Variants in GNB5 observed in about 807,000 individuals in gnomAD.
GNB5 encodes G protein subunit beta 5.
GNB5 carries 37 observed loss-of-function variants against 55.3 expected under a neutral mutation model. The ratio of observed to expected loss-of-function variants is 0.67; its 90% confidence interval spans 0.51 to 0.88. The LOEUF (loss-of-function observed/expected upper bound fraction) is 0.88, where lower values mean the gene tolerates loss of function less well. GNB5 is among the 40% of genes least tolerant of loss of function. The pLI, the probability that GNB5 is intolerant of heterozygous loss-of-function variation, is 0.00. For missense variants in GNB5, 476 were observed against 515.3 expected (o/e 0.92, Z 0.74); for synonymous variants, 219 against 198.5 (o/e 1.10, Z -0.87).
chr15:52,186,646 G>A (rs16964751), intron 1 of GNB5, among the ~76,000 whole-genome samples: 7,584 of 152,264 alleles, frequency 0.05, 244 homozygotes, highest in African/African-American at 0.087. Flanking sequence ...AGTGAGCCCC[G>A]TCAAGATTCA....
intron 3 of GNB5, among the ~76,000 whole-genome samples, chr15:52,166,503 T>C (rs2034454944): frequency 6.6e-6 from 1 of 152,088 alleles, no homozygotes; most frequent in African/African-American, 2.4e-5. Flanking sequence ...CACAGCGAAA[T>C]CAAATTAGAA....
chr15:52,136,574 G>A (rs1031065151), intron 7 of GNB5, among the ~76,000 whole-genome samples: 2 of 152,192 alleles, frequency 1.3e-5, no homozygotes, highest in African/African-American at 4.8e-5. Flanking sequence ...AGGGGTCTAG[G>A]CAGCATCTTG....
At chr15:52,139,736 C>T (rs2033807883) in intron 7 of GNB5, 1 of 1,127,348 alleles carries the variant, frequency 8.9e-7, no homozygotes, top group South Asian at 1.6e-5. Flanking sequence ...CAGGCCGCGT[C>T]CCCGCCGAGG....
At chr15:52,136,172 A>ACACACACACACACACACACCCC in intron 7 of GNB5, among the ~76,000 whole-genome samples, 1 of 100,118 alleles carries the variant, frequency 1.0e-5, no homozygotes, top group African/African-American at 4.4e-5. Flanking sequence ...ACACACACAC[A>ACACACACACACACACACACCCC]CCCTACCTGC....
rs1418958120 is a variant in GNB5 at position 52,135,552 on chromosome 15, T to G, written c.771+61A>C. On this transcript the variant is annotated intron_variant, in intron 8 of 12. Transcript: ENST00000261837. ...GCTAATCCCATGAATGGACAAGAAC[T>G]GCCACCATAAGCCTCCTTAGTGGAC... The G allele has an allele frequency of 7.7e-5, 111 of 1,436,662 alleles. 1 individual carries two copies. The highest frequency in any genetic ancestry group is 9.9e-5 in the Non-Finnish European group (102 of 1,027,824). 89.0% of individuals were successfully genotyped at this position (1,436,662 alleles called of 1,614,324 possible). A position where few individuals can be genotyped will look rare whatever the true frequency, so the allele number is the denominator to read the frequency against.
At chr15:52,174,809 C>A (rs1329825487) in intron 3 of GNB5, among the ~76,000 whole-genome samples, 1 of 152,072 alleles carries the variant, frequency 6.6e-6, no homozygotes, top group Admixed American at 6.5e-5. Context: ...TGGCTAGGCA[C>A]GGTGGCACAC....
In GNB5 at chr15:52,154,057, C is replaced by A; in HGVS notation, c.258G>T (p.Arg86=). The part of the protein sequence containing the change: ...HDVELHQVAE[R]VEALGQFVMK... ...TGACAAACTGCCCCAGGGCCTCCAC[C>A]CGCTCCGCCACCTGGTGCACTGGAA... Residue 86 remains arginine (R), a synonymous_variant, in exon 4 of 13, where the codon CGG becomes CGT. Coordinates refer to ENST00000261837, the MANE Select transcript of GNB5 (RefSeq NM_016194.4). 6.2e-7 allele frequency: 1 copy of A among 1,614,110 alleles called. No individual in the cohort carries two copies. Among genetic ancestry groups the A allele is most frequent in the African/African-American group, 1.3e-5 (1 of 75,060 alleles).
intron 3 of GNB5, among the ~76,000 whole-genome samples, chr15:52,155,939 C>A (rs1289884316): frequency 1.3e-5 from 2 of 152,114 alleles, no homozygotes; most frequent in Admixed American, 6.6e-5. Context: ...ACATGTTACC[C>A]CTCAAACCTC....
At position 52,183,738 on chromosome 15, in the gene GNB5, C is replaced by T. The variant is rs1411204433; in HGVS notation, c.126+813G>A. Among the ~76,000 whole-genome samples the T allele has an allele frequency of 2.0e-5, 3 of 151,972 alleles. No homozygotes were observed. In the East Asian group the frequency reaches 5.8e-4, roughly 29 times the overall value. Reference sequence around the variant, plus strand: ...GGGCTTTTCAGGAGGAGTGCTTTACCACTTTTCACCAAGTGGGGGCTCTGC... The same window carrying T: ...GGGCTTTTCAGGAGGAGTGCTTTACTACTTTTCACCAAGTGGGGGCTCTGC... On this transcript the variant is annotated intron_variant, in intron 2 of 12. Coordinates refer to ENST00000261837, the MANE Select transcript of GNB5 (RefSeq NM_016194.4).
At position 52,135,627 on chromosome 15, in the gene GNB5, T is replaced by C; in HGVS notation, c.757A>G (p.Thr253Ala). Reference protein sequence around the residue: ...LDLAPSETGNTFVSGGCDKKA... With the variant: ...LDLAPSETGNAFVSGGCDKKA... ...TGGGTCTTTACCCCAGACACGAAGG[T>C]GTTTCCAGTTTCTGAGGGGGCCAGG... Residue 253 changes from threonine (T) to alanine (A), a missense_variant, in exon 8 of 13, where the codon ACC becomes GCC. Coordinates refer to ENST00000261837, the MANE Select transcript of GNB5 (RefSeq NM_016194.4). The C allele has an allele frequency of 6.2e-7, 1 of 1,613,388 alleles. No homozygotes were observed. Among genetic ancestry groups the C allele is most frequent in the Non-Finnish European group, 8.5e-7 (1 of 1,179,762 alleles).
At chr15:52,179,735 G>C (rs1335571638) in intron 3 of GNB5, 33 bp downstream of exon 3, 1 of 1,375,656 alleles carries the variant, frequency 7.3e-7, no homozygotes, top group Non-Finnish European at 9.6e-7. Context: ...AGCCGGTCCG[G>C]CTTGCCCCGC....
chr15:52,121,037 A>C lies in GNB5; in HGVS notation c.*1720T>G, dbSNP rs1228430059. 2 of 152,248 alleles carry C rather than the reference A, an allele frequency of 1.3e-5. No individual in the cohort carries two copies. Among genetic ancestry groups the C allele is most frequent in the Non-Finnish European group, 2.9e-5 (2 of 68,058 alleles). 9.4% of individuals were successfully genotyped at this position (152,248 alleles called of 1,614,324 possible). A position where few individuals can be genotyped will look rare whatever the true frequency, so the allele number is the denominator to read the frequency against. On this transcript the variant is annotated 3_prime_UTR_variant, in exon 13 of 13. Transcript: ENST00000261837. ...CACGATACCTGAACAAGCAGTTGTG[A>C]GGGTGGGCCTGGCACACCCCTGGAT...
intron 4 of GNB5, among the ~76,000 whole-genome samples, chr15:52,153,686 C>G (rs1018736710): frequency 6.6e-6 from 1 of 152,138 alleles, no homozygotes; most frequent in Non-Finnish European, 1.5e-5. Context: ...ACAAATAAGA[C>G]TTTGAAATTA....
chr15:52,138,487 G>A (rs1480691122), intron 7 of GNB5: 1 of 152,046 alleles, frequency 6.6e-6, no homozygotes, highest in Admixed American at 6.6e-5. Context: ...CCCACTGGCT[G>A]TCCACAGGAC....
chr15:52,168,857 C>T (rs1401632798), intron 3 of GNB5, among the ~76,000 whole-genome samples: 1 of 152,152 alleles, frequency 6.6e-6, no homozygotes, highest in African/African-American at 2.4e-5. Context: ...CTGACAAAAA[C>T]AAGCAATGGG....
intron 2 of GNB5, chr15:52,180,080 C>T: frequency 2.1e-6 from 1 of 487,388 alleles, no homozygotes; most frequent in South Asian, 9.1e-5. Flanking sequence ...GGCGCAGTGC[C>T]TGGTGCGATG....
intron 6 of GNB5, 44 bp downstream of exon 6, chr15:52,147,415 A>G: frequency 9.4e-7 from 1 of 1,062,676 alleles, no homozygotes; most frequent in Non-Finnish European, 1.5e-6. Context: ...ACAGTATTCT[A>G]TGGTTAACAC....
At chr15:52,145,137 A>G (rs907439831) in intron 6 of GNB5, among the ~76,000 whole-genome samples, 3 of 152,090 alleles carry the variant, frequency 2.0e-5, no homozygotes, top group Non-Finnish European at 2.9e-5. Context: ...CCTTTGCACC[A>G]ACCTTATAAT....
At chr15:52,190,456 C>A (rs1282632571) in intron 1 of GNB5, among the ~76,000 whole-genome samples, 1 of 152,114 alleles carries the variant, frequency 6.6e-6, no homozygotes, top group Non-Finnish European at 1.5e-5. Flanking sequence ...CTTGTGTAGT[C>A]ACTTCACAAA....
Sources: allele counts gnomAD v4.1 joint callset (sites outside exome capture counted in the v4.1 genomes callset), GRCh38; gene constraint gnomAD v4.1.1; transcripts MANE v1.5; gene names NCBI Gene and HGNC (gene_info 2026-07-23, HGNC 2026-07-21).